Variants in DOCK8 observed in about 807,000 individuals in gnomAD.
The protein encoded by DOCK8 is dedicator of cytokinesis 8.
A neutral mutation model predicts 245.6 loss-of-function variants in DOCK8; 141 were observed. The observed-to-expected ratio is 0.57, with a 90% CI of 0.50 to 0.66. The LOEUF (loss-of-function observed/expected upper bound fraction) is 0.66, where lower values mean the gene tolerates loss of function less well. Among genes scored for constraint, DOCK8 ranks in the 30% least tolerant of loss-of-function variants. The probability of loss-of-function intolerance (pLI) is 0.00; values close to 1 mark genes in which losing one functional copy is unlikely to be tolerated. For missense variants in DOCK8, 2,965 were observed against 2,603.4 expected, an observed-to-expected ratio of 1.14 and a Z score of -3.02; for synonymous variants, 1,168 against 970.2, an observed-to-expected ratio of 1.20 and a Z score of -3.79.
At position 409,328 on chromosome 9, in the gene DOCK8, A is replaced by G. The variant is rs1404661832; in HGVS notation, c.3530+2259A>G. 8.5e-5 allele frequency among the ~76,000 whole-genome samples: 13 copies of G among 152,316 alleles called. No individual in the cohort carries two copies. The South Asian group carries it at 2.5e-3, about 29-fold the overall frequency. On this transcript the variant is annotated intron_variant, in intron 28 of 47. Transcript: ENST00000432829. ...TTTTTCAAGCATTTAGAAATTGTCT[A>G]TCATCTTTGTGTTAAGCCAGCAAAT...
chr9:263,049 A>G (rs2047955132), intron 1 of DOCK8, among the ~76,000 whole-genome samples: 1 of 152,086 alleles, frequency 6.6e-6, no homozygotes, highest in Admixed American at 6.5e-5. Context: ...TTTACTAAGA[A>G]TACAAAAATG....
At chr9:409,417 T>C (rs1313777115) in intron 28 of DOCK8, among the ~76,000 whole-genome samples, 1 of 152,222 alleles carries the variant, frequency 6.6e-6, no homozygotes, top group Non-Finnish European at 1.5e-5. Context: ...AGAAAAACTT[T>C]TGAAATGCAA....
chr9:303,499 A>G (rs923538902), intron 4 of DOCK8, among the ~76,000 whole-genome samples: 4 of 152,180 alleles, frequency 2.6e-5, no homozygotes, highest in Non-Finnish European at 5.9e-5. Flanking sequence ...AGCAACATGG[A>G]TGCAGCTGGA....
chr9:408,178 G>C (rs1401193731), intron 28 of DOCK8, among the ~76,000 whole-genome samples: 1 of 152,168 alleles, frequency 6.6e-6, no homozygotes, highest in East Asian at 1.9e-4. Flanking sequence ...AATTTCTCAA[G>C]TTCTCTCAAA....
rs924141597 is a variant in DOCK8 at position 324,180 on chromosome 9, A to G, written c.828-1491A>G. 2.0e-5 allele frequency among the ~76,000 whole-genome samples: 3 copies of G among 152,370 alleles called. No individual in the cohort carries two copies. The East Asian group carries it at 5.8e-4, about 29-fold the overall frequency. ...TGCCTGGGTGCCCTGGGAGTCTGCC[A>G]TGATTCCAAATTGCCTCATTTCCAA... is the stretch of plus-strand genomic sequence containing the variant. On this transcript the variant is annotated intron_variant, in intron 7 of 47. Coordinates refer to ENST00000432829, the MANE Select transcript of DOCK8 (RefSeq NM_203447.4).
chr9:244,252 C>CTAGTA (rs2047450194), intron 1 of DOCK8, among the ~76,000 whole-genome samples: 1 of 150,916 alleles, frequency 6.6e-6, no homozygotes, highest in Admixed American at 6.6e-5. Context: ...TGAAAATACA[C>CTAGTA]TTTACAATCT....
chr9:222,984 G>C (rs921786975), intron 1 of DOCK8, among the ~76,000 whole-genome samples: 19 of 152,044 alleles, frequency 1.2e-4, no homozygotes, highest in African/African-American at 4.3e-4. Flanking sequence ...ATAACTCATT[G>C]TATGTGTTTT....
chr9:391,501 G>A (rs372158095), intron 24 of DOCK8, among the ~76,000 whole-genome samples: 2 of 151,974 alleles, frequency 1.3e-5, no homozygotes. Context: ...ACCATTACTC[G>A]AGCAGAAAAG....
chr9:398,308 T>C (rs959992704), intron 25 of DOCK8, among the ~76,000 whole-genome samples: 2 of 152,206 alleles, frequency 1.3e-5, no homozygotes, highest in African/African-American at 4.8e-5. Context: ...AGCGGCACGG[T>C]AGCAACCTCT....
intron 8 of DOCK8, among the ~76,000 whole-genome samples, chr9:326,277 G>A (rs1240990713): frequency 6.6e-6 from 1 of 152,202 alleles, no homozygotes; most frequent in African/African-American, 2.4e-5. Flanking sequence ...GAGTAGGATG[G>A]ACACTTCTGC....
intron 1 of DOCK8, among the ~76,000 whole-genome samples, chr9:250,014 C>A (rs1020271365): frequency 6.6e-6 from 1 of 152,152 alleles, no homozygotes; most frequent in African/African-American, 2.4e-5. Flanking sequence ...GGCCCTATCC[C>A]TTATTCTAGA....
intron 5 of DOCK8, among the ~76,000 whole-genome samples, chr9:310,005 T>C (rs140991989): frequency 1.7e-3 from 255 of 152,298 alleles, no homozygotes; most frequent in African/African-American, 5.9e-3. Context: ...TGGTGGCTCA[T>C]GCCTGTAATC....
intron 24 of DOCK8, among the ~76,000 whole-genome samples, chr9:395,109 A>T (rs1230290552): frequency 6.6e-6 from 1 of 152,042 alleles, no homozygotes; most frequent in Non-Finnish European, 1.5e-5. Flanking sequence ...TTCGGACAAA[A>T]ATGGGTCCAG....
chr9:346,683 T>C (rs2051904866), intron 14 of DOCK8, among the ~76,000 whole-genome samples: 1 of 152,182 alleles, frequency 6.6e-6, no homozygotes, highest in Non-Finnish European at 1.5e-5. Context: ...TTCAGCTGAA[T>C]GTTCTCAGAC....
chr9:419,197 G>A (rs2056170490), intron 30 of DOCK8, among the ~76,000 whole-genome samples: 1 of 152,220 alleles, frequency 6.6e-6, no homozygotes. Flanking sequence ...CTTCTCCCGT[G>A]AGAAAGCAGC....
intron 29 of DOCK8, among the ~76,000 whole-genome samples, chr9:417,601 G>A (rs10814833): frequency 0.31 from 47,353 of 151,960 alleles, 7,921 homozygotes; most frequent in East Asian, 0.5. Flanking sequence ...ATAAATATGG[G>A]TATGTCTATA....
intron 5 of DOCK8, among the ~76,000 whole-genome samples, chr9:305,745 A>G (rs1375866198): frequency 6.6e-6 from 1 of 152,244 alleles, no homozygotes; most frequent in Non-Finnish European, 1.5e-5. Flanking sequence ...AGACAGAAAG[A>G]AAGCAAGCCT....
intron 23 of DOCK8, among the ~76,000 whole-genome samples, chr9:387,216 G>A (rs2053991101): frequency 6.6e-6 from 1 of 152,176 alleles, no homozygotes; most frequent in African/African-American, 2.4e-5. Flanking sequence ...GGCCGAGGTG[G>A]GTGGATCACC....
intron 27 of DOCK8, among the ~76,000 whole-genome samples, chr9:406,516 T>C (rs565313086): frequency 9.6e-5 from 14 of 146,390 alleles, no homozygotes; most frequent in African/African-American, 3.5e-4. Context: ...AAAAAGAAGG[T>C]ACCTGAGTAA....
Sources: allele counts gnomAD v4.1 joint callset (sites outside exome capture counted in the v4.1 genomes callset), GRCh38; gene constraint gnomAD v4.1.1; transcripts MANE v1.5; gene names NCBI Gene and HGNC (gene_info 2026-07-23, HGNC 2026-07-21).